The following ADAM12 variants were observed in gnomAD, a reference collection of about 807,000 sequenced individuals.
ADAM12 encodes the protein ADAM metallopeptidase domain 12, also known as disintegrin and metalloproteinase domain-containing protein 12.
Under a neutral mutation model 106.4 loss-of-function variants are expected in ADAM12, and 70 were observed. The observed-to-expected ratio is 0.66, with a 90% CI of 0.54 to 0.80. The LOEUF (loss-of-function observed/expected upper bound fraction) is 0.80. Among genes scored for constraint, ADAM12 ranks in the 30% least tolerant of loss-of-function variants. ADAM12 has a pLI of 0.00. For synonymous variants in ADAM12, 420 were observed against 433.5 expected, an observed-to-expected ratio of 0.97 and a Z score of 0.39; for missense variants, 1,010 against 1,171.9, an observed-to-expected ratio of 0.86 and a Z score of 2.02.
At chr10:126,199,859 A>G (rs546426419) in intron 3 of ADAM12, among the ~76,000 whole-genome samples, 1 of 152,282 alleles carries the variant, frequency 6.6e-6, no homozygotes, top group Non-Finnish European at 1.5e-5. Flanking sequence ...GGTTTGTTCT[A>G]TTAACAAACA....
intron 3 of ADAM12, among the ~76,000 whole-genome samples, chr10:126,231,204 G>T (rs1410890178): frequency 1.3e-5 from 2 of 152,126 alleles, no homozygotes; most frequent in Non-Finnish European, 1.5e-5. Flanking sequence ...GCCGAGGTTT[G>T]CCAGAATAGT....
At chr10:126,194,578 G>A (rs924323613) in intron 3 of ADAM12, among the ~76,000 whole-genome samples, 9 of 152,198 alleles carry the variant, frequency 5.9e-5, no homozygotes, top group Non-Finnish European at 1.3e-4. Context: ...AGAATAAAAT[G>A]AAATATAAAT....
chr10:126,325,100 A>G (rs1854249072), intron 2 of ADAM12, among the ~76,000 whole-genome samples: 1 of 152,184 alleles, frequency 6.6e-6, no homozygotes. Flanking sequence ...AATGAGGGAC[A>G]GAGCCAGGAA....
intron 22 of ADAM12, among the ~76,000 whole-genome samples, chr10:126,018,672 T>C (rs1953703424): frequency 6.6e-6 from 1 of 152,194 alleles, no homozygotes; most frequent in Non-Finnish European, 1.5e-5. Context: ...TTCCTGGAAA[T>C]TGGTTATCTC....
At chr10:126,328,088 T>G (rs1412276394) in intron 2 of ADAM12, among the ~76,000 whole-genome samples, 2 of 152,248 alleles carry the variant, frequency 1.3e-5, no homozygotes. Context: ...AAATCCATCT[T>G]CCCTGCTGGC....
chr10:126,112,935 G>A (rs61863367), intron 6 of ADAM12, among the ~76,000 whole-genome samples: 9,014 of 151,892 alleles, frequency 0.059, 397 homozygotes, highest in Non-Finnish European at 0.091. Flanking sequence ...CCATATTCGG[G>A]AAATCCAGTG....
intron 3 of ADAM12, among the ~76,000 whole-genome samples, chr10:126,235,428 G>C (rs1958394703): frequency 6.6e-6 from 1 of 152,204 alleles, no homozygotes. Flanking sequence ...GGAGAGATGA[G>C]AACCAGGGAG....
Position 126,039,287 on chromosome 10 carries a change from A to G in ADAM12, c.2240+7T>C. On this transcript the variant is annotated splice_region_variant and intron_variant, in intron 19 of 22. Transcript: ENST00000448723. ...CTAGAACAGATGACAAGCTAAACCC[A>G]GGGTACCTTAGTTTTTCAATGGTGG... The G allele has an allele frequency of 6.2e-7, 1 of 1,613,578 alleles. No individual in the cohort carries two copies. Among genetic ancestry groups the G allele is most frequent in the Non-Finnish European group, 8.5e-7 (1 of 1,179,686 alleles).
chr10:126,104,695 T>C (rs1955731839), intron 8 of ADAM12, among the ~76,000 whole-genome samples: 2 of 152,242 alleles, frequency 1.3e-5, no homozygotes, highest in South Asian at 2.1e-4. Context: ...CCTAGAAGCA[T>C]GAGTGTCAGA....
chr10:126,083,559 T>G (rs1029637717), intron 11 of ADAM12, among the ~76,000 whole-genome samples: 1 of 152,212 alleles, frequency 6.6e-6, no homozygotes, highest in African/African-American at 2.4e-5. Context: ...TCCTTCCAGG[T>G]GTACCTTAGA....
At chr10:126,024,403 A>G (rs921605561) in intron 21 of ADAM12, among the ~76,000 whole-genome samples, 3 of 152,206 alleles carry the variant, frequency 2.0e-5, no homozygotes, top group African/African-American at 4.8e-5. Flanking sequence ...TTACTTTTCT[A>G]TATTTTAAAT....
At chr10:126,167,882 A>G (rs1957052116) in intron 3 of ADAM12, among the ~76,000 whole-genome samples, 1 of 152,144 alleles carries the variant, frequency 6.6e-6, no homozygotes. Flanking sequence ...CATTTTATAG[A>G]TATAGGAATT....
rs144422752 is a variant in ADAM12 at position 126,265,016 on chromosome 10, T to C, written c.260+13899A>G. ...GTGTAATATCTATATGGGTAATTTA[T>C]GGTTCAATGTGAAAATACAAGGCTT... is the stretch of plus-strand genomic sequence containing the variant. On this transcript the variant is annotated intron_variant, in intron 3 of 22. Coordinates refer to ENST00000448723, the MANE Select transcript of ADAM12 (RefSeq NM_001288973.2). Among the ~76,000 whole-genome samples the C allele has an allele frequency of 7.0e-3, 1,065 of 152,340 alleles. 10 individuals are homozygous for C. Among genetic ancestry groups the C allele is most frequent in the Non-Finnish European group, 0.011 (724 of 68,030 alleles).
intron 3 of ADAM12, among the ~76,000 whole-genome samples, chr10:126,209,734 G>T (rs1038023380): frequency 1.3e-5 from 2 of 152,152 alleles, no homozygotes; most frequent in Non-Finnish European, 2.9e-5. Flanking sequence ...TTGAATGCAG[G>T]TTTCAAACCA....
At chr10:126,028,555 A>G (rs1489333532) in intron 21 of ADAM12, among the ~76,000 whole-genome samples, 1 of 152,208 alleles carries the variant, frequency 6.6e-6, no homozygotes, top group Non-Finnish European at 1.5e-5. Context: ...AGCAATGGGG[A>G]AAGGATTCCC....
chr10:126,165,892 C>T (rs1957016237), intron 3 of ADAM12, among the ~76,000 whole-genome samples: 1 of 152,182 alleles, frequency 6.6e-6, no homozygotes, highest in Middle Eastern at 3.2e-3. Context: ...TTAAACTGTA[C>T]ATCTGTAAGA....
intron 3 of ADAM12, among the ~76,000 whole-genome samples, chr10:126,258,758 C>T (rs1958942673): frequency 6.6e-6 from 1 of 152,220 alleles, no homozygotes; most frequent in Non-Finnish European, 1.5e-5. Context: ...GGCTGACTCC[C>T]ACAGGTGACA....
At chr10:126,029,275 A>G (rs1000134472) in intron 21 of ADAM12, among the ~76,000 whole-genome samples, 4 of 152,174 alleles carry the variant, frequency 2.6e-5, no homozygotes, top group Non-Finnish European at 5.9e-5. Flanking sequence ...AAATCATTCT[A>G]TTATACACGC....
At chr10:126,231,191 G>A (rs945969651) in intron 3 of ADAM12, among the ~76,000 whole-genome samples, 10 of 152,044 alleles carry the variant, frequency 6.6e-5, no homozygotes, top group South Asian at 2.1e-4. Flanking sequence ...CAATCTACTA[G>A]AGGCCGAGGT....
Sources: allele counts gnomAD v4.1 joint callset (sites outside exome capture counted in the v4.1 genomes callset), GRCh38; gene constraint gnomAD v4.1.1; transcripts MANE v1.5; gene names NCBI Gene and HGNC (gene_info 2026-07-23, HGNC 2026-07-21).